Variants in CCDC163 observed in about 807,000 individuals in gnomAD.
CCDC163 encodes transmembrane protein CCDC163.
A neutral mutation model predicts 8.2 loss-of-function variants in CCDC163; 13 were observed. That is an observed-to-expected ratio of 1.59 (90% confidence interval 1.04 to 2.54). The LOEUF (loss-of-function observed/expected upper bound fraction) is 2.54. CCDC163 is among the 30% of genes most tolerant of loss of function. The pLI is 0.00. For missense variants in CCDC163, 117 were observed against 78.6 expected (o/e 1.49, Z -1.85); for synonymous variants, 41 against 30.9 (o/e 1.33, Z -1.08).
intron 2 of CCDC163, chr1:45,498,353 T>C (rs1415153246): frequency 7.9e-6 from 1 of 126,148 alleles, no homozygotes; most frequent in Admixed American, 1.0e-4. Flanking sequence ...TCCCCCTCTG[T>C]GAGAAACACC....
chr1:45,495,724 C>A (rs531357380), intron 4 of CCDC163, among the ~76,000 whole-genome samples: 1 of 141,068 alleles, frequency 7.1e-6, no homozygotes, highest in East Asian at 2.1e-4. Context: ...TGGAGTGCAA[C>A]GGCATGATCT....
intron 3 of CCDC163, among the ~76,000 whole-genome samples, chr1:45,497,097 C>T (rs749870368): frequency 2.5e-4 from 38 of 152,170 alleles, no homozygotes; most frequent in Non-Finnish European, 4.4e-4. Flanking sequence ...CGCTTGGACT[C>T]GGGAGGCAGA....
At chr1:45,497,577 C>T (rs12066142) in intron 2 of CCDC163, among the ~76,000 whole-genome samples, 194 bp from the exon 3 acceptor site, 26,735 of 134,172 alleles carry the variant, frequency 0.2, 1,789 homozygotes, top group East Asian at 0.28. Flanking sequence ...CGGCTCGCTA[C>T]AACCTCCACC....
At chr1:45,497,707 GGA>G (rs1376150740) in intron 2 of CCDC163, among the ~76,000 whole-genome samples, 11 of 14,870 alleles carry the variant, frequency 7.4e-4, no homozygotes, top group East Asian at 2.8e-3. Flanking sequence ...GGAGGGAGGT[GGA>G]GGGGGTCAGC....
rs542854001 is a variant in CCDC163, at chr1:45,498,245, G to A, written c.178-862C>T. On this transcript the variant is annotated intron_variant, in intron 2 of 4. Transcript: ENST00000629482. ...AGTACCCAGGGACACAAACACTGCCGAAGGCCGCAGGGTCCTCTGCCTAGG... is the reference window on the plus strand; with the variant it reads ...AGTACCCAGGGACACAAACACTGCCAAAGGCCGCAGGGTCCTCTGCCTAGG... Among the ~76,000 whole-genome samples the A allele has an allele frequency of 5.4e-4, 82 of 152,046 alleles. 2 individuals carry two copies. Among genetic ancestry groups the A allele is most frequent in the African/African-American group, 1.9e-3 (78 of 41,498 alleles).
At chr1:45,498,105 A>G (rs1643407913) in intron 2 of CCDC163, among the ~76,000 whole-genome samples, 1 of 151,532 alleles carries the variant, frequency 6.6e-6, no homozygotes, top group Admixed American at 6.6e-5. Flanking sequence ...TCTCTGAAAC[A>G]TGTGCTGTGT....
In CCDC163 at chr1:45,499,681, C is replaced by T. The variant is rs1643487716; in HGVS notation, c.-72G>A. ...TGCTTGCTCTCCTAGCGGGGGATAC[C>T]CAAGGTATCCCCAGGAAAGGCCACC... On this transcript the variant is annotated 5_prime_UTR_variant, in exon 1 of 5. Transcript: ENST00000629482. 1.4e-6 allele frequency: 1 copy of T among 709,178 alleles called. No individual in the cohort carries two copies. Among genetic ancestry groups the T allele is most frequent in the Admixed American group, 2.1e-5 (1 of 48,056 alleles). The allele number at this position is 709,178 out of a possible 1,614,324, so 43.9% of individuals were successfully genotyped here.
rs566727274 is a variant in CCDC163 at position 45,496,600 on chromosome 1, T to C, written c.286A>G (p.Lys96Glu). The change falls in exon 4 of 5, where the codon AAA becomes GAA. Residue 96 changes from lysine (K) to glutamate (E), a missense_variant. Coordinates refer to ENST00000629482, the MANE Select transcript of CCDC163 (RefSeq NM_001102601.3). ...GCCTGTCGTCCCTCAGCCAGCTGTT[T>C]CAGCAGCAGCTCCTGGTGCTGGCCT... ...QLSQHQELLL[K>E]QLAEGRQAQV... 1.3e-6 allele frequency: 1 copy of C among 780,540 alleles called. No individual in the cohort carries two copies. The highest frequency in any genetic ancestry group is 2.4e-5 in the East Asian group (1 of 41,248). The allele number at this position is 780,540 out of a possible 1,614,324, so 48.4% of individuals were successfully genotyped here.
At chr1:45,495,529 C>CA in intron 4 of CCDC163, 1 of 702,582 alleles carries the variant, frequency 1.4e-6, no homozygotes, top group Admixed American at 2.0e-5. Flanking sequence ...TTAGATTGGA[C>CA]AACATGAATG....
intron 3 of CCDC163, among the ~76,000 whole-genome samples, chr1:45,496,838 G>A (rs1455823091): frequency 6.6e-6 from 1 of 152,218 alleles, no homozygotes; most frequent in Non-Finnish European, 1.5e-5. Context: ...TCAGGCAGTT[G>A]GAGCCATGGC....
chr1:45,497,226 TAAA>T (rs1034960781), intron 3 of CCDC163, 70 bp downstream of exon 3: 7 of 685,712 alleles, frequency 1.0e-5, no homozygotes, highest in Non-Finnish European at 1.9e-5. Context: ...TAAAAATAAA[TAAA>T]AGAAGAAGAT....
intron 4 of CCDC163, chr1:45,496,354 C>T (rs1322066382): frequency 4.4e-6 from 3 of 676,992 alleles, no homozygotes; most frequent in Admixed American, 2.1e-5. Context: ...ACCCTCATGT[C>T]GGCAAGGATA....
In CCDC163 at chr1:45,500,024, A is replaced by C; in HGVS notation, c.-415T>G. Reference sequence around the variant, plus strand: ...CTGGCTGCCGCAGCGCCACCTGGGAAACTGAGGTCGCCTCTTGCGAACACA... The same window carrying C: ...CTGGCTGCCGCAGCGCCACCTGGGACACTGAGGTCGCCTCTTGCGAACACA... On this transcript the variant is annotated 5_prime_UTR_variant, in exon 1 of 5. Transcript: ENST00000629482. 1 of 517,906 alleles carries C rather than the reference A, an allele frequency of 1.9e-6. No homozygotes were observed. 32.1% of individuals were successfully genotyped at this position (517,906 alleles called of 1,614,324 possible).
At chr1:45,497,101 AG>A (rs1654222312) in intron 3 of CCDC163, among the ~76,000 whole-genome samples, 197 bp downstream of exon 3, 1 of 152,192 alleles carries the variant, frequency 6.6e-6, no homozygotes, top group African/African-American at 2.4e-5. Context: ...TGGACTCGGG[AG>A]GCAGAGGTTG....
At chr1:45,495,877 T>G (rs1430371330) in intron 4 of CCDC163, among the ~76,000 whole-genome samples, 3 of 152,042 alleles carry the variant, frequency 2.0e-5, no homozygotes, top group African/African-American at 7.2e-5. Context: ...AGGCTGGTCT[T>G]GAACTCCTGA....
chr1:45,496,100 G>A (rs758181622), intron 4 of CCDC163: 3 of 282,224 alleles, frequency 1.1e-5, no homozygotes, highest in African/African-American at 2.2e-5. Flanking sequence ...GCTGAACTTT[G>A]GTCCCCAGTG....
chr1:45,494,304 A>T lies in CCDC163; in HGVS notation c.*755T>A, dbSNP rs1273721445. On this transcript the variant is annotated 3_prime_UTR_variant, in exon 5 of 5. Coordinates refer to ENST00000629482, the MANE Select transcript of CCDC163 (RefSeq NM_001102601.3). ...AAACCTGTCTCTACAAAAAATATTTAAAAATTAGCCAGGCATGATAGCGTG... is the reference window on the plus strand; with the variant it reads ...AAACCTGTCTCTACAAAAAATATTTTAAAATTAGCCAGGCATGATAGCGTG... 1 of 152,226 alleles carries T rather than the reference A, an allele frequency of 6.6e-6. No homozygotes were observed. Among genetic ancestry groups the T allele is most frequent in the Non-Finnish European group, 1.5e-5 (1 of 68,128 alleles). 9.4% of individuals were successfully genotyped at this position (152,226 alleles called of 1,614,324 possible).
chr1:45,496,434 A>G (rs1030052529), intron 4 of CCDC163, 122 bp downstream of exon 4: 4 of 704,882 alleles, frequency 5.7e-6, no homozygotes, highest in Non-Finnish European at 1.0e-5. Context: ...AGCACAGGGA[A>G]GAGAGGAATG....
intron 2 of CCDC163, chr1:45,498,647 G>A (rs1192528973): frequency 1.3e-5 from 2 of 153,236 alleles, no homozygotes; most frequent in Non-Finnish European, 2.9e-5. Context: ...TGATGCTGTA[G>A]TGGGACAAGT....
Sources: gnomAD v4.1 joint callset for allele counts (sites outside exome capture counted in the v4.1 genomes callset) on GRCh38, gnomAD v4.1.1 for gene constraint, MANE v1.5 for transcripts, NCBI Gene and HGNC (gene_info 2026-07-23, HGNC 2026-07-21) for gene names.